MORC2: variants seen among roughly 807,000 people sequenced by gnomAD.
MORC2 encodes ATPase MORC2.
A neutral mutation model predicts 136.0 loss-of-function variants in MORC2; 30 were observed. The ratio of observed to expected loss-of-function variants is 0.22; its 90% CI spans 0.17 to 0.30. The LOEUF (loss-of-function observed/expected upper bound fraction) is 0.30, where lower values mean the gene tolerates loss of function less well. Among genes scored for constraint, MORC2 ranks in the 10% least tolerant of loss-of-function variants. MORC2 has a pLI of 1.00. For synonymous variants in MORC2, 439 were observed against 487.0 expected (o/e 0.90, Z 1.30); for missense variants, 922 against 1,333.1 (o/e 0.69, Z 4.80).
At position 30,932,232 on chromosome 22, in the gene MORC2, T is replaced by C. The variant is rs2040586171; in HGVS notation, c.2841+127A>G. On this transcript the variant is annotated intron_variant, in intron 24 of 25. Coordinates refer to ENST00000397641, the MANE Select transcript of MORC2 (RefSeq NM_001303256.3). This position sits in a 1 kb window ranked among gnomAD's most constrained non-coding sequence, Gnocchi z 4.4. Reference sequence around the variant, plus strand: ...TCAGCAGGAGAGAGGCTGGCTGAGATGGAGCACACAGCTGAGAGCTAGCAA... The same window carrying C: ...TCAGCAGGAGAGAGGCTGGCTGAGACGGAGCACACAGCTGAGAGCTAGCAA... 1 of 840,386 alleles carries C rather than the reference T, an allele frequency of 1.2e-6. No homozygotes were observed. The highest frequency in any genetic ancestry group is 1.9e-6 in the Non-Finnish European group (1 of 527,190). 52.1% of individuals were successfully genotyped at this position (840,386 alleles called of 1,614,324 possible).
intron 1 of MORC2, among the ~76,000 whole-genome samples, chr22:30,962,511 C>T (rs897741236): frequency 6.6e-6 from 1 of 151,672 alleles, no homozygotes; most frequent in Admixed American, 6.6e-5. Context: ...GGGAGGATGG[C>T]CTGAGCCTAA....
chr22:30,927,906 A>AG, intron 25 of MORC2, 113 bp downstream of exon 25: 4 of 1,317,932 alleles, frequency 3.0e-6, no homozygotes, highest in Non-Finnish European at 4.2e-6. Flanking sequence ...CCAGGGTGAG[A>AG]ACCATAGATT....
At chr22:30,962,470 C>T (rs1439151994) in intron 1 of MORC2, among the ~76,000 whole-genome samples, 1 of 151,608 alleles carries the variant, frequency 6.6e-6, no homozygotes, top group Non-Finnish European at 1.5e-5. Flanking sequence ...TGGTGTACAC[C>T]TGTAGTTCCA....
In MORC2 at chr22:30,940,099, C is replaced by A. The variant is rs143200539; in HGVS notation, c.905-58G>T. On this transcript the variant is annotated intron_variant, in intron 10 of 25. Coordinates refer to ENST00000397641, the MANE Select transcript of MORC2 (RefSeq NM_001303256.3). ...CAAAGGTTCAAAACTCTTGGTCATC[C>A]CTCCTGGATCCACAGTACTGGACAC... The A allele has an allele frequency of 5.6e-4, 859 of 1,531,768 alleles. 16 individuals carry two copies. The East Asian group carries it at 0.019, about 33-fold the overall frequency. 94.9% of individuals were successfully genotyped at this position (1,531,768 alleles called of 1,614,324 possible).
rs1217262379 is a variant in MORC2 at position 30,933,480 on chromosome 22, T to C, written c.2366A>G (p.Lys789Arg). ...SAGEEDSADL[K>R]RAQKDKGLHV... ...CCCCAGCTCACCTTTCTGAGCTCTC[T>C]TGAGGTCAGCCGAGTCCTCTTCCCC... The change falls in exon 21 of 26, where the codon AAG becomes AGG. Residue 789 changes from lysine to arginine, a missense_variant. Coordinates refer to ENST00000397641, the MANE Select transcript of MORC2 (RefSeq NM_001303256.3). 8 of 1,613,798 alleles carry C rather than the reference T, an allele frequency of 5.0e-6. No individual in the cohort carries two copies. The highest frequency in any genetic ancestry group is 1.1e-5 in the South Asian group (1 of 91,068).
At chr22:30,949,709 T>C (rs1158521958) in intron 5 of MORC2, 43 bp downstream of exon 5, 1 of 1,492,790 alleles carries the variant, frequency 6.7e-7, no homozygotes, top group Non-Finnish European at 9.3e-7. Flanking sequence ...ACAGCATTGC[T>C]GGATTTTGTT....
chr22:30,934,869 T>C lies in MORC2; in HGVS notation c.2105A>G (p.Asn702Ser), dbSNP rs1569190330. The change falls in exon 19 of 26, where the codon AAC (asparagine) becomes AGC (serine). Residue 702 changes from asparagine to serine, a missense_variant. Physicochemically the swap from Asn to Ser is conservative, Grantham distance 46. Coordinates refer to ENST00000397641, the MANE Select transcript of MORC2 (RefSeq NM_001303256.3). The surrounding 1 kb of genome is among the most constrained non-coding windows in gnomAD (Gnocchi z 4.4). ...VQQLSPSLLP[N>S]SKSPREVPSP... ...AGGAACCTCCCGAGGGCTCTTGGAG[T>C]TGGGCAGTAAAGATGGTGACAGTTG... 1 of 1,613,826 alleles carries C rather than the reference T, an allele frequency of 6.2e-7. No homozygotes were observed. The highest frequency in any genetic ancestry group is 1.6e-4 in the Middle Eastern group (1 of 6,062).
chr22:30,952,538 C>A (rs1203533190), intron 3 of MORC2, among the ~76,000 whole-genome samples: 1 of 152,210 alleles, frequency 6.6e-6, no homozygotes, highest in Non-Finnish European at 1.5e-5. Flanking sequence ...AGAGATGACA[C>A]TGGGGGGATC....
At chr22:30,940,895 C>A in intron 9 of MORC2, 58 bp from the exon 10 acceptor site, 1 of 1,435,790 alleles carries the variant, frequency 7.0e-7, no homozygotes, top group South Asian at 1.1e-5. Flanking sequence ...GGTGGCACAC[C>A]CAAGCACAGG....
chr22:30,960,808 CA>C lies in MORC2; in HGVS notation c.69-2115del, dbSNP rs35374135. ...ACCCGGCTGGAAAAGACAGATTTCT[CA>C]AAAAAAAAAAAAAAAAAAGTCCATA... On this transcript the variant is annotated intron_variant, in intron 1 of 25. Coordinates refer to ENST00000397641, the MANE Select transcript of MORC2 (RefSeq NM_001303256.3). Among the ~76,000 whole-genome samples, 935 of 97,762 alleles carry C rather than the reference CA, an allele frequency of 9.6e-3. 6 individuals are homozygous for C. Among genetic ancestry groups the C allele is most frequent in the African/African-American group, 0.021 (596 of 28,956 alleles). 64.1% of individuals were successfully genotyped at this position (97,762 alleles called of 152,430 possible). A position where few individuals can be genotyped will look rare whatever the true frequency, so the allele number is the denominator to read the frequency against.
intron 25 of MORC2, 82 bp from the exon 26 acceptor site, chr22:30,926,953 G>T: frequency 8.2e-7 from 1 of 1,223,318 alleles, no homozygotes; most frequent in Non-Finnish European, 1.2e-6. Flanking sequence ...CTCAGCTCCT[G>T]GGATGGAGCC....
At chr22:30,942,378 T>C in intron 6 of MORC2, 107 bp from the exon 7 acceptor site, 5 of 1,283,366 alleles carry the variant, frequency 3.9e-6, no homozygotes, top group South Asian at 2.9e-5. Context: ...CACTGCCCTG[T>C]AGGTGAGGCC....
intron 20 of MORC2, 128 bp downstream of exon 20, chr22:30,933,932 G>T: frequency 8.8e-7 from 1 of 1,138,772 alleles, no homozygotes; most frequent in Non-Finnish European, 1.3e-6. Flanking sequence ...GGTGGGGGGG[G>T]TAGACTGCTG....
intron 1 of MORC2, among the ~76,000 whole-genome samples, chr22:30,966,908 C>A (rs1055038285): frequency 2.6e-5 from 4 of 152,188 alleles, no homozygotes; most frequent in African/African-American, 9.7e-5. Flanking sequence ...TATGATATCA[C>A]AAACATGTTG....
Position 30,941,355 on chromosome 22 carries a change from C to G in MORC2, c.824+78G>C. ...TGCCAGAGCCTCTTATACAGCATCC[C>G]TCTAACAATGCCCCAGAGAAACGCG... On this transcript the variant is annotated intron_variant, in intron 9 of 25. Transcript: ENST00000397641. This position sits in a 1 kb window ranked among gnomAD's most constrained non-coding sequence, Gnocchi z 4.6. 1.9e-6 allele frequency: 3 copies of G among 1,574,170 alleles called. No homozygotes were observed.
At chr22:30,939,891 AG>A (rs900370285) in intron 11 of MORC2, 67 bp downstream of exon 11, 2 of 1,514,686 alleles carry the variant, frequency 1.3e-6, no homozygotes, top group African/African-American at 2.8e-5. Flanking sequence ...TTACTTGACC[AG>A]GCTCATGGGA....
At chr22:30,949,921 G>T in intron 4 of MORC2, 79 bp from the exon 5 acceptor site, 1 of 1,337,402 alleles carries the variant, frequency 7.5e-7, no homozygotes, top group Non-Finnish European at 1.1e-6. Flanking sequence ...TCTGAGCCTT[G>T]TTAAATCCAA....
Position 30,942,423 on chromosome 22 carries a change from G to A in MORC2, c.427-152C>T. 5 of 800,586 alleles carry A rather than the reference G, an allele frequency of 6.2e-6. No homozygotes were observed. In the South Asian group the frequency reaches 8.4e-5, roughly 14 times the overall value. 49.6% of individuals were successfully genotyped at this position (800,586 alleles called of 1,614,324 possible). A position where few individuals can be genotyped will look rare whatever the true frequency, so the allele number is the denominator to read the frequency against. On this transcript the variant is annotated intron_variant, in intron 6 of 25. Transcript: ENST00000397641. ...CAGCCTGGCACCAGAGGCTCTGTGA[G>A]CTTCAGGGCTTCTGCCTCTTCCCAA...
At chr22:30,949,079 C>A (rs889857442) in intron 5 of MORC2, among the ~76,000 whole-genome samples, 6 of 152,198 alleles carry the variant, frequency 3.9e-5, no homozygotes, top group African/African-American at 1.4e-4. Flanking sequence ...AACTCCAATT[C>A]CACTAAATCT....
Sources: gnomAD v4.1 joint callset for allele counts (sites outside exome capture counted in the v4.1 genomes callset) on GRCh38, gnomAD v4.1.1 for gene constraint, Gnocchi (gnomAD v3.1) non-coding constraint, MANE v1.5 for transcripts, NCBI Gene and HGNC (gene_info 2026-07-23, HGNC 2026-07-21) for gene names.